The following CUL2 variants were observed in gnomAD, a reference collection of about 807,000 sequenced individuals.
CUL2 encodes cullin 2.
A neutral mutation model predicts 110.2 loss-of-function variants in CUL2; 22 were observed. The observed-to-expected ratio is 0.20, with a 90% CI of 0.14 to 0.28. The LOEUF is 0.28. Among genes scored for constraint, CUL2 ranks in the 10% least tolerant of loss-of-function variants. The probability of loss-of-function intolerance (pLI) is 1.00; values close to 1 mark genes in which losing one functional copy is unlikely to be tolerated. For synonymous variants in CUL2, 279 were observed against 293.2 expected, an observed-to-expected ratio of 0.95 and a Z score of 0.49; for missense variants, 631 against 905.5, an observed-to-expected ratio of 0.70 and a Z score of 3.89.
At chr10:35,104,257 G>T (rs2087425397) in intron 1 of CUL2, among the ~76,000 whole-genome samples, 1 of 152,156 alleles carries the variant, frequency 6.6e-6, no homozygotes, top group African/African-American at 2.4e-5. Flanking sequence ...GACCAGCCTG[G>T]GTGACATGGA....
At chr10:35,060,709 A>C (rs1338122048) in intron 4 of CUL2, among the ~76,000 whole-genome samples, 165 bp downstream of exon 4, 1 of 152,126 alleles carries the variant, frequency 6.6e-6, no homozygotes, top group Non-Finnish European at 1.5e-5. Flanking sequence ...TACCCACCTT[A>C]CCCTGACTAT....
chr10:35,096,809 CTT>C (rs71523358), intron 2 of CUL2, among the ~76,000 whole-genome samples: 329 of 132,982 alleles, frequency 2.5e-3, no homozygotes, highest in African/African-American at 7.5e-3. Flanking sequence ...TTCAGGTCCA[CTT>C]TTTTTTTTTT....
At chr10:35,049,808 A>T in intron 5 of CUL2, 43 bp from the exon 6 acceptor site, 1 of 1,341,442 alleles carries the variant, frequency 7.5e-7, no homozygotes, top group East Asian at 2.3e-5. Context: ...ATTACTTAGT[A>T]TATGTTTAAC....
At chr10:35,037,838 G>A (rs1013587723) in intron 9 of CUL2, among the ~76,000 whole-genome samples, 6 of 151,708 alleles carry the variant, frequency 4.0e-5, no homozygotes, top group Admixed American at 6.6e-5. Flanking sequence ...GCGGGACTCC[G>A]TCTCAAAAAA....
At chr10:35,059,790 C>T (rs1226913902) in intron 4 of CUL2, among the ~76,000 whole-genome samples, 1 of 152,138 alleles carries the variant, frequency 6.6e-6, no homozygotes, top group South Asian at 2.1e-4. Flanking sequence ...TTAAATCCTG[C>T]CTTTGTGATT....
Position 35,031,730 on chromosome 10 carries a change from G to T in CUL2, c.1171-111C>A. On this transcript the variant is annotated intron_variant, in intron 12 of 20. Transcript: ENST00000374749. This position sits in a 1 kb window ranked among gnomAD's most constrained non-coding sequence, Gnocchi z 4.4. The stretch of plus-strand genomic sequence containing the variant: ...AAGATCAGCGGACAGAATTTTTGCT[G>T]TTTTTTTTAGAGACCGGGTCTTGCT... 8.7e-7 allele frequency: 1 copy of T among 1,146,892 alleles called. No individual in the cohort carries two copies. Among genetic ancestry groups the T allele is most frequent in the Non-Finnish European group, 1.2e-6 (1 of 801,004 alleles). The allele number at this position is 1,146,892 out of a possible 1,614,324, so 71.0% of individuals were successfully genotyped here.
At chr10:35,020,021 G>A (rs2085143477) in intron 17 of CUL2, among the ~76,000 whole-genome samples, 1 of 152,162 alleles carries the variant, frequency 6.6e-6, no homozygotes, top group Non-Finnish European at 1.5e-5. Context: ...GAGACAATCT[G>A]ACATTAGATG....
chr10:35,105,820 T>A, intron 1 of CUL2, among the ~76,000 whole-genome samples: 2 of 77,408 alleles, frequency 2.6e-5, no homozygotes, highest in African/African-American at 5.7e-5. Context: ...AAAGAGGCAA[T>A]GTCCTGAAAA....
At chr10:35,067,740 C>T (rs1190884695) in intron 2 of CUL2, among the ~76,000 whole-genome samples, 1 of 145,318 alleles carries the variant, frequency 6.9e-6, no homozygotes, top group East Asian at 2.0e-4. Context: ...TGAGACCCTG[C>T]CACAAAAAAA....
chr10:35,093,300 C>T (rs117167967), upstream of CUL2, among the ~76,000 whole-genome samples: 367 of 152,106 alleles, frequency 2.4e-3, 12 homozygotes, highest in East Asian at 0.06. Flanking sequence ...ACCTTGGTCT[C>T]GGTGAATTTT....
intron 1 of CUL2, among the ~76,000 whole-genome samples, chr10:35,073,411 G>A (rs2086732545): frequency 6.6e-6 from 1 of 151,872 alleles, no homozygotes; most frequent in African/African-American, 2.4e-5. Flanking sequence ...ATCCATACTT[G>A]TATAGCCCTA....
intron 1 of CUL2, among the ~76,000 whole-genome samples, chr10:35,088,352 A>G (rs945092396): frequency 1.3e-5 from 2 of 152,040 alleles, no homozygotes; most frequent in African/African-American, 2.4e-5. Context: ...TACTAAAAAT[A>G]CAAAAATTAG....
intron 1 of CUL2, among the ~76,000 whole-genome samples, chr10:35,125,478 A>T (rs1219089057): frequency 6.6e-6 from 1 of 152,216 alleles, no homozygotes; most frequent in Middle Eastern, 3.2e-3. Context: ...ATTCCCTTTG[A>T]CCTACGAAAA....
intron 3 of CUL2, among the ~76,000 whole-genome samples, chr10:35,061,572 G>C (rs1034814861): frequency 2.6e-5 from 4 of 151,896 alleles, no homozygotes; most frequent in African/African-American, 9.7e-5. Flanking sequence ...AAGCTCACTA[G>C]CTTACAATAG....
At chr10:35,097,617 G>A (rs2087317677) in intron 2 of CUL2, among the ~76,000 whole-genome samples, 1 of 151,798 alleles carries the variant, frequency 6.6e-6, no homozygotes, top group South Asian at 2.1e-4. Context: ...CTTTACCTCT[G>A]TGATCATCCT....
intron 10 of CUL2, 28 bp downstream of exon 10, chr10:35,035,144 A>C: frequency 6.2e-7 from 1 of 1,613,932 alleles, no homozygotes; most frequent in Non-Finnish European, 8.5e-7. Flanking sequence ...ATTAGGAGGA[A>C]AACATTGCAG....
intron 8 of CUL2, among the ~76,000 whole-genome samples, chr10:35,039,693 T>G (rs1054143610): frequency 6.7e-6 from 1 of 149,264 alleles, no homozygotes; most frequent in East Asian, 2.0e-4. Context: ...GGCGAAACCC[T>G]GTCTCTACTA....
intron 1 of CUL2, among the ~76,000 whole-genome samples, chr10:35,121,805 G>A (rs1208885855): frequency 3.0e-5 from 4 of 132,472 alleles, no homozygotes; most frequent in Non-Finnish European, 4.8e-5. Flanking sequence ...GTAAGACCCT[G>A]TCTCAAAAAA....
At chr10:35,059,659 A>G (rs1054485998) in intron 4 of CUL2, among the ~76,000 whole-genome samples, 16 of 152,200 alleles carry the variant, frequency 1.1e-4, no homozygotes, top group East Asian at 5.8e-4. Flanking sequence ...TCTCCAAAGT[A>G]TGCCTGTACA....
Sources: gnomAD v4.1 joint callset for allele counts (sites outside exome capture counted in the v4.1 genomes callset) on GRCh38, gnomAD v4.1.1 for gene constraint, Gnocchi (gnomAD v3.1) non-coding constraint, MANE v1.5 for transcripts, NCBI Gene and HGNC (gene_info 2026-07-23, HGNC 2026-07-21) for gene names.